Variants in PCSK5 observed in about 807,000 individuals in gnomAD.
PCSK5 encodes the protein prohormone convertase 5.
PCSK5 carries 129 observed loss-of-function variants against 233.2 expected under a neutral mutation model. That is an observed-to-expected ratio of 0.55 (90% confidence interval 0.48 to 0.64). The LOEUF (loss-of-function observed/expected upper bound fraction) is 0.64. PCSK5 is among the 30% of genes least tolerant of loss of function. The pLI is 0.00. For synonymous variants in PCSK5, 825 were observed against 879.2 expected (o/e 0.94, Z 1.09); for missense variants, 2,076 against 2,430.1 (o/e 0.85, Z 3.06).
At chr9:76,246,341 CAAAAA>C (rs59806704) in intron 24 of PCSK5, among the ~76,000 whole-genome samples, 2 of 52,652 alleles carry the variant, frequency 3.8e-5, no homozygotes, top group East Asian at 6.6e-4. Context: ...GATTCCATCT[CAAAAA>C]AAAAAAAAAA....
rs2131247585 is a variant in PCSK5, at chr9:75,917,419, C to G, written c.193-14960C>G. 2.6e-5 allele frequency among the ~76,000 whole-genome samples: 4 copies of G among 152,324 alleles called. No homozygotes were observed. The South Asian group carries it at 8.3e-4, about 32-fold the overall frequency. ...TGAAGGTGAGAGGTAGCAAATCTAT[C>G]TTGGTAATATTTTAATTAGACTGAT... On this transcript the variant is annotated intron_variant, in intron 1 of 37. Coordinates refer to ENST00000674117, the MANE Select transcript of PCSK5 (RefSeq NM_001372043.1).
intron 20 of PCSK5, among the ~76,000 whole-genome samples, chr9:76,216,637 A>C (rs1226166175): frequency 6.6e-6 from 1 of 152,110 alleles, no homozygotes; most frequent in African/African-American, 2.4e-5. Context: ...TTGTTCTAGA[A>C]CTGTAGATTT....
intron 20 of PCSK5, among the ~76,000 whole-genome samples, chr9:76,217,032 G>A (rs559259791): frequency 6.6e-6 from 1 of 152,028 alleles, no homozygotes; most frequent in Non-Finnish European, 1.5e-5. Context: ...TAGAGATGGA[G>A]TTTCACCATG....
chr9:76,123,230 T>C (rs1832717429), intron 9 of PCSK5, among the ~76,000 whole-genome samples: 1 of 152,198 alleles, frequency 6.6e-6, no homozygotes, highest in Non-Finnish European at 1.5e-5. Flanking sequence ...TAGCACTTTG[T>C]CAACAAATTC....
intron 24 of PCSK5, among the ~76,000 whole-genome samples, chr9:76,254,195 G>C (rs537982271): frequency 3.9e-5 from 6 of 152,256 alleles, no homozygotes; most frequent in African/African-American, 1.4e-4. Flanking sequence ...GAGTGGGGAG[G>C]TGCAATCTTA....
intron 5 of PCSK5, among the ~76,000 whole-genome samples, chr9:76,028,910 C>T (rs899529692): frequency 2.0e-5 from 3 of 152,104 alleles, no homozygotes; most frequent in African/African-American, 4.8e-5. Context: ...ATGGAGGAGT[C>T]GGTTGGGTCT....
At chr9:76,273,076 C>A (rs2490588) in intron 24 of PCSK5, among the ~76,000 whole-genome samples, 55,824 of 151,820 alleles carry the variant, frequency 0.37, 10,925 homozygotes, top group Middle Eastern at 0.47. Context: ...TAAATCCTTT[C>A]ATTAAAGGAA....
chr9:76,118,133 C>T (rs1350487324), intron 9 of PCSK5, among the ~76,000 whole-genome samples: 1 of 151,880 alleles, frequency 6.6e-6, no homozygotes, highest in African/African-American at 2.4e-5. Flanking sequence ...TTTGGGATCC[C>T]ATACCTGGAA....
intron 7 of PCSK5, among the ~76,000 whole-genome samples, chr9:76,076,525 A>G (rs546521673): frequency 5.9e-5 from 9 of 152,216 alleles, no homozygotes; most frequent in African/African-American, 1.9e-4. Context: ...TCAGGCAGCA[A>G]TAGATAAGCC....
chr9:75,891,361 C>T lies in PCSK5; in HGVS notation c.180C>T (p.Ile60=), dbSNP rs763863267. ...GTATCGCCAGCAAGTACGGATTCAT[C>T]AACATAGGACAGGTAACGAACTACA... ...ANRIASKYGF[I]NIGQIGALKD... The change falls in exon 1 of 38, where the codon ATC becomes ATT. Residue 60 remains isoleucine (I), a synonymous_variant. Coordinates refer to ENST00000674117, the MANE Select transcript of PCSK5 (RefSeq NM_001372043.1). 6.4e-7 allele frequency: 1 copy of T among 1,555,196 alleles called. No individual in the cohort carries two copies. The highest frequency in any genetic ancestry group is 8.7e-7 in the Non-Finnish European group (1 of 1,155,732).
At chr9:76,077,297 C>CA (rs922692908) in intron 7 of PCSK5, among the ~76,000 whole-genome samples, 5 of 152,058 alleles carry the variant, frequency 3.3e-5, no homozygotes, top group African/African-American at 9.7e-5. Context: ...AGTTCTGCCT[C>CA]AAAAAAATTG....
rs190879032 is a variant in PCSK5, at chr9:76,340,257, A to G, written c.4966+1810A>G. Among the ~76,000 whole-genome samples the G allele has an allele frequency of 5.9e-5, 9 of 152,320 alleles. No homozygotes were observed. In the East Asian group the frequency reaches 1.7e-3, roughly 29 times the overall value. On this transcript the variant is annotated intron_variant, in intron 35 of 37. Transcript: ENST00000674117. The stretch of plus-strand genomic sequence containing the variant: ...TTGTTTCTACTCTGGAGTGTAAAAC[A>G]TAAGTTTTCATTCAGTGTTTGTTCA...
At chr9:76,094,543 C>T (rs1311263719) in intron 7 of PCSK5, among the ~76,000 whole-genome samples, 1 of 152,158 alleles carries the variant, frequency 6.6e-6, no homozygotes, top group Non-Finnish European at 1.5e-5. Context: ...CTTATAGTCA[C>T]TTCACTGTGT....
At chr9:75,979,064 G>C (rs1045298565) in intron 2 of PCSK5, among the ~76,000 whole-genome samples, 4 of 151,994 alleles carry the variant, frequency 2.6e-5, no homozygotes, top group Admixed American at 2.0e-4. Context: ...ATGTTGGTCA[G>C]ACTGGTCTCG....
At chr9:76,184,387 G>GA (rs11397439) in intron 16 of PCSK5, among the ~76,000 whole-genome samples, 104,144 of 149,382 alleles carry the variant, frequency 0.7, 37,289 homozygotes, top group African/African-American at 0.87. Flanking sequence ...GGAAGAAGAA[G>GA]AAAAAAAAAA....
At chr9:76,318,075 C>T (rs956704763) in intron 30 of PCSK5, among the ~76,000 whole-genome samples, 5 of 152,150 alleles carry the variant, frequency 3.3e-5, no homozygotes, top group Non-Finnish European at 4.4e-5. Context: ...TTCTCTAAGC[C>T]GGCTTATGGT....
At chr9:75,998,605 C>A (rs1383857485) in intron 3 of PCSK5, among the ~76,000 whole-genome samples, 1 of 152,164 alleles carries the variant, frequency 6.6e-6, no homozygotes, top group Non-Finnish European at 1.5e-5. Flanking sequence ...AGAAACGTAA[C>A]GTCACTTGGT....
At chr9:76,354,241 C>T in intron 37 of PCSK5, 22 bp downstream of exon 37, 1 of 1,540,080 alleles carries the variant, frequency 6.5e-7, no homozygotes, top group Non-Finnish European at 8.8e-7. Context: ...GCAAGAGCAG[C>T]CTGCAGAGGA....
chr9:75,952,632 C>T (rs1366529915), intron 2 of PCSK5, among the ~76,000 whole-genome samples: 1 of 152,110 alleles, frequency 6.6e-6, no homozygotes, highest in African/African-American at 2.4e-5. Context: ...CTTTCCTTGC[C>T]CCTAGCTTCC....
Sources: allele counts gnomAD v4.1 joint callset (sites outside exome capture counted in the v4.1 genomes callset), GRCh38; gene constraint gnomAD v4.1.1; transcripts MANE v1.5; gene names NCBI Gene and HGNC (gene_info 2026-07-23, HGNC 2026-07-21).